GATA4: variants seen among roughly 807,000 people sequenced by gnomAD.
GATA4 encodes the protein GATA binding protein 4.
Under a neutral mutation model 37.9 loss-of-function variants are expected in GATA4, and 7 were observed. The observed-to-expected ratio is 0.18, with a 90% CI of 0.11 to 0.35. The LOEUF (loss-of-function observed/expected upper bound fraction) is 0.35. GATA4 is among the 10% of genes least tolerant of loss of function. GATA4 has a pLI of 1.00. For synonymous variants in GATA4, 372 were observed against 292.6 expected (o/e 1.27, Z -2.77); for missense variants, 647 against 653.0 (o/e 0.99, Z 0.10).
At chr8:11,698,356 C>T (rs1480904659) in intron 1 of GATA4, among the ~76,000 whole-genome samples, 1 of 152,208 alleles carries the variant, frequency 6.6e-6, no homozygotes, top group African/African-American at 2.4e-5. Flanking sequence ...AGTACTCATG[C>T]CTGTAGTATT....
intron 4 of GATA4, among the ~76,000 whole-genome samples, chr8:11,752,791 T>C (rs965506621): frequency 6.6e-6 from 1 of 152,226 alleles, no homozygotes; most frequent in Non-Finnish European, 1.5e-5. Flanking sequence ...TTTCTTGTTA[T>C]AATGAACAAG....
intron 2 of GATA4, among the ~76,000 whole-genome samples, chr8:11,747,115 G>A (rs1309240209): frequency 3.9e-5 from 6 of 152,202 alleles, no homozygotes; most frequent in Admixed American, 1.3e-4. Context: ...CTCAATAAAA[G>A]CACCCCTCTT....
intron 2 of GATA4, among the ~76,000 whole-genome samples, chr8:11,745,578 C>G (rs539467762): frequency 6.6e-6 from 1 of 151,740 alleles, no homozygotes; most frequent in South Asian, 2.1e-4. Flanking sequence ...AGAGTGAGAC[C>G]CTGTCTCACA....
intron 2 of GATA4, among the ~76,000 whole-genome samples, chr8:11,725,987 G>T (rs1800903693): frequency 6.6e-6 from 1 of 152,192 alleles, no homozygotes; most frequent in Non-Finnish European, 1.5e-5. Flanking sequence ...CTACCTTCTG[G>T]TGCTGTCCTT....
At chr8:11,695,212 C>A (rs1260995511) in intron 1 of GATA4, among the ~76,000 whole-genome samples, 1 of 152,116 alleles carries the variant, frequency 6.6e-6, no homozygotes, top group African/African-American at 2.4e-5. Flanking sequence ...TCGAGACCAG[C>A]CTGACCAACA....
chr8:11,755,293 A>G (rs1802500570), intron 5 of GATA4, among the ~76,000 whole-genome samples, 160 bp downstream of exon 5: 1 of 152,214 alleles, frequency 6.6e-6, no homozygotes, highest in Admixed American at 6.5e-5. Context: ...AGAGCCCAGC[A>G]AAAAAGTAAC....
intron 2 of GATA4, among the ~76,000 whole-genome samples, chr8:11,742,630 C>T (rs941637390): frequency 1.3e-5 from 2 of 152,354 alleles, no homozygotes; most frequent in Non-Finnish European, 2.9e-5. Context: ...GTGATTTCAT[C>T]CCCGGCCGGA....
chr8:11,743,571 C>T (rs913606308), intron 2 of GATA4, among the ~76,000 whole-genome samples: 6 of 152,228 alleles, frequency 3.9e-5, no homozygotes, highest in African/African-American at 7.2e-5. Context: ...AGAGCGGAAC[C>T]GTGACCCTGG....
intron 1 of GATA4, among the ~76,000 whole-genome samples, chr8:11,679,480 C>T (rs1254495073): frequency 6.6e-6 from 1 of 151,964 alleles, no homozygotes; most frequent in Non-Finnish European, 1.5e-5. Context: ...GGGCCGAGGG[C>T]CGGGAGGAGA....
intron 1 of GATA4, chr8:11,694,345 C>A (rs1376801573): frequency 4.6e-6 from 1 of 215,300 alleles, no homozygotes; most frequent in African/African-American, 2.3e-5. Flanking sequence ...GACTGAGGCT[C>A]CCAGCATTGC....
At chr8:11,728,568 G>T (rs1237343824) in intron 2 of GATA4, among the ~76,000 whole-genome samples, 1 of 151,180 alleles carries the variant, frequency 6.6e-6, no homozygotes, top group Non-Finnish European at 1.5e-5. Flanking sequence ...CTTTCTGTAG[G>T]GGCAGGGTCT....
At chr8:11,690,001 A>G (rs1425106872), upstream of GATA4, among the ~76,000 whole-genome samples, 4 of 152,234 alleles carry the variant, frequency 2.6e-5, no homozygotes, top group African/African-American at 9.6e-5. Context: ...CTGTCTGGAT[A>G]CTACTTGCCT....
chr8:11,745,959 C>G (rs906632357), intron 2 of GATA4, among the ~76,000 whole-genome samples: 2 of 152,148 alleles, frequency 1.3e-5, no homozygotes, highest in Non-Finnish European at 2.9e-5. Flanking sequence ...CTGTCCCCTT[C>G]TGAATATGTT....
Position 11,707,499 on chromosome 8 carries a change from GC to G in GATA4, c.-457-355del, listed in dbSNP as rs1563198851. The stretch of plus-strand genomic sequence containing the variant: ...TGGGTCCCAGGCACTCTGCATTAAC[GC>G]CAAACTTTTGGACTTACAAAAATAT... On this transcript the variant is annotated intron_variant, in intron 1 of 6. Coordinates refer to ENST00000532059, the MANE Select transcript of GATA4 (RefSeq NM_001308093.3). This position sits in a 1 kb window ranked among gnomAD's most constrained non-coding sequence, Gnocchi z 4.7. Among the ~76,000 whole-genome samples, 1 of 152,086 alleles carries G rather than the reference GC, an allele frequency of 6.6e-6. No homozygotes were observed. Among genetic ancestry groups the G allele is most frequent in the African/African-American group, 2.4e-5 (1 of 41,386 alleles).
chr8:11,683,884 G>A (rs1799057482), intron 1 of GATA4, among the ~76,000 whole-genome samples: 1 of 152,220 alleles, frequency 6.6e-6, no homozygotes, highest in Admixed American at 6.5e-5. Flanking sequence ...TCCCGGGTGG[G>A]CTTCCCATTT....
chr8:11,682,533 AAAAC>A, intron 1 of GATA4, among the ~76,000 whole-genome samples: 1 of 152,386 alleles, frequency 6.6e-6, no homozygotes, highest in Admixed American at 6.5e-5. Context: ...CATTTCCAAC[AAAAC>A]AGAGACAAGA....
intron 1 of GATA4, among the ~76,000 whole-genome samples, chr8:11,695,765 C>G (rs1214501373): frequency 6.6e-6 from 1 of 152,156 alleles, no homozygotes; most frequent in Non-Finnish European, 1.5e-5. Flanking sequence ...CTCACTCTGA[C>G]GTCACCCTTC....
chr8:11,706,998 A>G (rs1799915837), intron 1 of GATA4, among the ~76,000 whole-genome samples: 1 of 152,118 alleles, frequency 6.6e-6, no homozygotes. Context: ...AGTTCCACAA[A>G]CTGCTCTTTC....
At chr8:11,694,459 G>C (rs1428065838) in intron 1 of GATA4, 1 of 984,970 alleles carries the variant, frequency 1.0e-6, no homozygotes, top group Non-Finnish European at 1.2e-6. Context: ...ACATTGCGCT[G>C]CCACCAGCTC....
Sources: allele counts gnomAD v4.1 joint callset (sites outside exome capture counted in the v4.1 genomes callset), GRCh38; gene constraint gnomAD v4.1.1; non-coding constraint Gnocchi (gnomAD v3.1); transcripts MANE v1.5; gene names NCBI Gene and HGNC (gene_info 2026-07-23, HGNC 2026-07-21).